Variants in RAG2 observed in about 807,000 individuals in gnomAD.
RAG2 encodes the protein V(D)J recombination-activating protein 2.
Under a neutral mutation model 31.8 loss-of-function variants are expected in RAG2, and 16 were observed. The ratio of observed to expected loss-of-function variants is 0.50; its 90% CI spans 0.34 to 0.76. RAG2 has a LOEUF of 0.76. RAG2 is among the 30% of genes least tolerant of loss of function. The pLI is 0.01. For synonymous variants in RAG2, 199 were observed against 215.9 expected (o/e 0.92, Z 0.68); for missense variants, 622 against 628.5 (o/e 0.99, Z 0.11).
intron 1 of RAG2, among the ~76,000 whole-genome samples, chr11:36,595,712 A>G (rs1051729430): frequency 6.6e-6 from 1 of 152,266 alleles, no homozygotes; most frequent in African/African-American, 2.4e-5. Context: ...TAATAGTTGA[A>G]TATACGTAAA....
chr11:36,594,560 T>A (rs1011560887), intron 1 of RAG2: 2 of 241,078 alleles, frequency 8.3e-6, no homozygotes, highest in Non-Finnish European at 1.6e-5. Flanking sequence ...AGGGGACTCC[T>A]GGAATGTGTC....
At chr11:36,595,625 T>G (rs1455295058) in intron 1 of RAG2, among the ~76,000 whole-genome samples, 1 of 152,248 alleles carries the variant, frequency 6.6e-6, no homozygotes, top group Admixed American at 6.5e-5. Flanking sequence ...TTATGTAACC[T>G]CTGTGTGCCT....
rs1204330110 is a variant in RAG2, at chr11:36,596,232, T to G, written c.-28+1870A>C. Among the ~76,000 whole-genome samples, 4 of 150,900 alleles carry G rather than the reference T, an allele frequency of 2.7e-5. 1 individual carries two copies. Among genetic ancestry groups the G allele is most frequent in the African/African-American group, 7.3e-5 (3 of 40,996 alleles). ...TAGTGTTTTTTTTTTGTTTTTTTTT[T>G]TTTTTGCTTTAAAGAACTTCTGTAG... is the stretch of plus-strand genomic sequence containing the variant. On this transcript the variant is annotated intron_variant, in intron 1 of 1. Coordinates refer to ENST00000311485, the MANE Select transcript of RAG2 (RefSeq NM_000536.4).
In RAG2 at chr11:36,592,282, G is replaced by A. The variant is rs1011071361; in HGVS notation, c.*303C>T. ...TATATAATAAATATAAACATACCTC[G>A]ATGATTATTACTGCTTCTGGGTGTT... On this transcript the variant is annotated 3_prime_UTR_variant, in exon 2 of 2. Coordinates refer to ENST00000311485, the MANE Select transcript of RAG2 (RefSeq NM_000536.4). 33 of 356,478 alleles carry A rather than the reference G, an allele frequency of 9.3e-5. No homozygotes were observed. Among genetic ancestry groups the A allele is most frequent in the Non-Finnish European group, 1.3e-4 (25 of 193,002 alleles). 22.1% of individuals were successfully genotyped at this position (356,478 alleles called of 1,614,324 possible).
chr11:36,595,951 T>A (rs1851211606), intron 1 of RAG2, among the ~76,000 whole-genome samples: 1 of 152,182 alleles, frequency 6.6e-6, no homozygotes, highest in Non-Finnish European at 1.5e-5. Flanking sequence ...TGGTAGTAGT[T>A]AATTTATTAA....
intron 1 of RAG2, among the ~76,000 whole-genome samples, chr11:36,596,211 G>GTTTTTTTTT (rs1243664769): frequency 1.9e-4 from 19 of 101,138 alleles, no homozygotes; most frequent in South Asian, 7.1e-4. Context: ...AGATGGTAGT[G>GTTTTTTTTT]TTTTTTTTTT....
chr11:36,594,358 C>G, intron 1 of RAG2, 163 bp from the exon 2 acceptor site: 1 of 617,386 alleles, frequency 1.6e-6, no homozygotes, highest in South Asian at 2.0e-5. Context: ...AGCCACAGAA[C>G]CTTTACTGCC....
At chr11:36,595,992 T>G (rs553439920) in intron 1 of RAG2, among the ~76,000 whole-genome samples, 60 of 152,362 alleles carry the variant, frequency 3.9e-4, no homozygotes, top group African/African-American at 1.4e-3. Context: ...ATTCTTCTTG[T>G]CACCCTTTGT....
At chr11:36,591,598 T>TACAC (rs3084298), downstream of RAG2, among the ~76,000 whole-genome samples, 2,595 of 149,084 alleles carry the variant, frequency 0.017, 41 homozygotes, top group African/African-American at 0.04. Flanking sequence ...ACATGTTAAC[T>TACAC]ACACACACAC....
At chr11:36,591,639 A>G (rs1216255030), downstream of RAG2, among the ~76,000 whole-genome samples, 2 of 151,836 alleles carry the variant, frequency 1.3e-5, no homozygotes, top group East Asian at 3.9e-4. Flanking sequence ...ACACAAATAC[A>G]TTTCTTTTCC....
rs1818552593 is a variant in RAG2, at chr11:36,592,276, T to TAA, written c.*308_*309insTT. ...AAGACTTATATAATAAATATAAACA[T>TAA]ACCTCGATGATTATTACTGCTTCTG... On this transcript the variant is annotated 3_prime_UTR_variant, in exon 2 of 2. Coordinates refer to ENST00000311485, the MANE Select transcript of RAG2 (RefSeq NM_000536.4). 2.9e-6 allele frequency: 1 copy of TAA among 349,054 alleles called. No homozygotes were observed. The highest frequency in any genetic ancestry group is 4.6e-5 in the Admixed American group (1 of 21,954). The allele number at this position is 349,054 out of a possible 1,614,324, so 21.6% of individuals were successfully genotyped here.
At chr11:36,596,211 G>GTTTTTTTTTTTTTT (rs1243664769) in intron 1 of RAG2, among the ~76,000 whole-genome samples, 4 of 101,154 alleles carry the variant, frequency 4.0e-5, no homozygotes, top group African/African-American at 1.6e-4. Context: ...AGATGGTAGT[G>GTTTTTTTTTTTTTT]TTTTTTTTTT....
In RAG2 at chr11:36,592,378, G is replaced by C. The variant is rs1206111483; in HGVS notation, c.*207C>G. 6.2e-6 allele frequency: 4 copies of C among 645,604 alleles called. No individual in the cohort carries two copies. In the East Asian group the frequency reaches 1.2e-4, roughly 19 times the overall value. The allele number at this position is 645,604 out of a possible 1,614,324, so 40.0% of individuals were successfully genotyped here. Reference sequence around the variant, plus strand: ...AATAAATTAGTAAATTGAGTATTTGGGTAAAATATTTTCAAAATGTATAGG... The same window carrying C: ...AATAAATTAGTAAATTGAGTATTTGCGTAAAATATTTTCAAAATGTATAGG... On this transcript the variant is annotated 3_prime_UTR_variant, in exon 2 of 2. Coordinates refer to ENST00000311485, the MANE Select transcript of RAG2 (RefSeq NM_000536.4).
chr11:36,592,872 A>G lies in RAG2; in HGVS notation c.1297T>C (p.Phe433Leu). The G allele has an allele frequency of 6.2e-7, 1 of 1,614,148 alleles. No homozygotes were observed. Among genetic ancestry groups the G allele is most frequent in the Non-Finnish European group, 8.5e-7 (1 of 1,180,028 alleles). Residue 433 changes from phenylalanine to leucine, a missense_variant, in exon 2 of 2, where the codon TTC becomes CTC. By Grantham distance (22) the Phe-to-Leu change is conservative (BLOSUM62 0). Coordinates refer to ENST00000311485, the MANE Select transcript of RAG2 (RefSeq NM_000536.4). ...GGTTTGTTGAGCTCAGTTGAATAGA[A>G]TGGTACCCAAGTGTTGATATCCACA... The part of the protein sequence containing the change: ...CDVDINTWVP[F>L]YSTELNKPAM...
chr11:36,596,211 G>GTTTTTTTTTTTTTTTTTTTTTTTTTTTTT (rs1243664769), intron 1 of RAG2, among the ~76,000 whole-genome samples: 1 of 101,158 alleles, frequency 9.9e-6, no homozygotes. Flanking sequence ...AGATGGTAGT[G>GTTTTTTTTTTTTTTTTTTTTTTTTTTTTT]TTTTTTTTTT....
chr11:36,592,585 C>G lies in RAG2; in HGVS notation c.1584G>C (p.Ter528TyrextTer14). ...KKSFLRRLFD[*>Y] is the part of the protein sequence containing the mutation. ...CTGAATCTGAAAGGCTTTTGCAAAA[C>G]TAATCAAACAACCTTCTAAGAAAGG... is the stretch of plus-strand genomic sequence containing the variant. Residue 528 changes from the stop codon to tyrosine (Y), a stop_lost, in exon 2 of 2, where the codon TAG becomes TAC. Coordinates refer to ENST00000311485, the MANE Select transcript of RAG2 (RefSeq NM_000536.4). 6.2e-7 allele frequency: 1 copy of G among 1,613,924 alleles called. No individual in the cohort carries two copies. The highest frequency in any genetic ancestry group is 8.5e-7 in the Non-Finnish European group (1 of 1,179,846).
chr11:36,593,944 T>C lies in RAG2; in HGVS notation c.225A>G (p.Pro75=). 6.2e-7 allele frequency: 1 copy of C among 1,614,202 alleles called. No individual in the cohort carries two copies. Among genetic ancestry groups the C allele is most frequent in the Non-Finnish European group, 8.5e-7 (1 of 1,180,018 alleles). The change falls in exon 2 of 2, where the codon CCA becomes CCG. Residue 75 remains proline, a synonymous_variant. Transcript: ENST00000311485. ...DSCYLPPLRY[P]ATCTFKGSLE... is the part of the protein sequence containing the mutation. ...AGCTGCCTTTGAATGTGCAAGTGGC[T>C]GGGTAGCGAAGAGGAGGGAGGTAGC...
chr11:36,594,244 ATCG>A, intron 1 of RAG2, 49 bp from the exon 2 acceptor site: 1 of 1,201,496 alleles, frequency 8.3e-7, no homozygotes. Flanking sequence ...TCATATAATC[ATCG>A]TATTTAGATT....
chr11:36,594,269 G>A, intron 1 of RAG2, 74 bp from the exon 2 acceptor site: 2 of 1,003,354 alleles, frequency 2.0e-6, no homozygotes, highest in Non-Finnish European at 3.1e-6. Context: ...CTTCACATGT[G>A]AATAGCATTT....
Sources: allele counts gnomAD v4.1 joint callset (sites outside exome capture counted in the v4.1 genomes callset), GRCh38; gene constraint gnomAD v4.1.1; transcripts MANE v1.5; gene names NCBI Gene and HGNC (gene_info 2026-07-23, HGNC 2026-07-21).